The following PHF8 variants were observed in gnomAD, a reference collection of about 807,000 sequenced individuals.
PHF8 encodes histone lysine demethylase PHF8.
A neutral mutation model predicts 74.4 loss-of-function variants in PHF8; 9 were observed. That is an observed-to-expected ratio of 0.12 (90% CI 0.07 to 0.21). The LOEUF (loss-of-function observed/expected upper bound fraction) is 0.21. Ranked by LOEUF, PHF8 falls within the 10% of genes least tolerant of loss-of-function variation. The probability of loss-of-function intolerance (pLI) is 1.00; values close to 1 mark genes in which losing one functional copy is unlikely to be tolerated. For synonymous variants in PHF8, 311 were observed against 316.6 expected, an observed-to-expected ratio of 0.98 and a Z score of 0.19; for missense variants, 478 against 816.6, an observed-to-expected ratio of 0.59 and a Z score of 5.05.
At chrX:54,015,070 T>TAGTC (rs1374251683) in intron 6 of PHF8, among the ~76,000 whole-genome samples, 1 of 111,895 alleles carries the variant, frequency 8.9e-6, no homozygotes, top group Non-Finnish European at 1.9e-5. Context: ...GAAAACTCTA[T>TAGTC]AGTCCATTTC....
chrX:53,950,981 A>T (rs2064914682), intron 19 of PHF8, among the ~76,000 whole-genome samples: 1 of 112,475 alleles, frequency 8.9e-6, no homozygotes, highest in Non-Finnish European at 1.9e-5. Flanking sequence ...AAGGACTTTA[A>T]ATCAGCTATT....
chrX:53,970,666 G>A (rs2065278338), intron 18 of PHF8, among the ~76,000 whole-genome samples: 1 of 110,987 alleles, frequency 9.0e-6, no homozygotes, highest in Non-Finnish European at 1.9e-5. Flanking sequence ...CCAAGCAAAT[G>A]AAAAACAGAA....
intron 2 of PHF8, 59 bp downstream of exon 2, chrX:54,042,572 G>A: frequency 1.0e-6 from 1 of 987,235 alleles, no homozygotes; most frequent in South Asian, 2.0e-5. Context: ...GAAAGGAAGA[G>A]AGAGCAAGTG....
chrX:54,030,067 C>T (rs1243255358), intron 2 of PHF8, among the ~76,000 whole-genome samples: 2 of 110,756 alleles, frequency 1.8e-5, no homozygotes, highest in Non-Finnish European at 3.8e-5. Flanking sequence ...TTCCTTTTCC[C>T]TGCTGCTGTG....
chrX:54,017,097 T>C (rs1434608254), intron 5 of PHF8, among the ~76,000 whole-genome samples: 1 of 112,639 alleles, frequency 8.9e-6, no homozygotes, highest in Admixed American at 9.4e-5. Flanking sequence ...AGACAGACAA[T>C]GATCCCTAGA....
In PHF8 at chrX:53,944,210, C is replaced by T; in HGVS notation, c.2573G>A (p.Arg858His). ...RVTPTLPKQD[R>H]PVREGTRVAS... ...TACCCGGGTCCCCTCACGCACAGGA[C>T]GGTCCTGCTTCGGCAGAGTTGGGGT... Residue 858 changes from arginine to histidine, a missense_variant, in exon 20 of 22, where the codon CGT becomes CAT. Around this residue, in one of 9 missense-constraint regions of PHF8, gnomAD observed 35 missense variants for 78.8 expected, o/e 0.44. Coordinates refer to ENST00000338154, the MANE Select transcript of PHF8 (RefSeq NM_015107.3). 1 of 1,209,695 alleles carries T rather than the reference C, an allele frequency of 8.3e-7. No individual in the cohort carries two copies. Among genetic ancestry groups the T allele is most frequent in the Non-Finnish European group, 1.1e-6 (1 of 894,141 alleles).
chrX:53,944,697 AAC>A (rs1557084600), intron 19 of PHF8: 2 of 128,596 alleles, frequency 1.6e-5, no homozygotes, highest in Non-Finnish European at 1.6e-5. Context: ...CAGCCTGGGC[AAC>A]AGAGTGAGAC....
chrX:53,964,344 GCA>G (rs782040479), intron 18 of PHF8, among the ~76,000 whole-genome samples: 20 of 110,351 alleles, frequency 1.8e-4, no homozygotes, highest in African/African-American at 4.9e-4. Context: ...TAACAAACCT[GCA>G]CGTTCTGCAC....
intron 8 of PHF8, among the ~76,000 whole-genome samples, chrX:54,006,654 G>A (rs1399461052): frequency 6.3e-5 from 7 of 111,540 alleles, no homozygotes; most frequent in East Asian, 2.8e-4. Flanking sequence ...TCAGGGGACC[G>A]GCTGGGCCCT....
chrX:53,986,008 T>A (rs1295790294), intron 16 of PHF8, 59 bp from the exon 17 acceptor site: 2 of 1,080,030 alleles, frequency 1.9e-6, no homozygotes, highest in African/African-American at 3.6e-5. Flanking sequence ...AAGGCCCCAG[T>A]ACAGGGGCGA....
intron 11 of PHF8, among the ~76,000 whole-genome samples, chrX:53,996,464 T>A (rs1447488732): frequency 1.8e-5 from 2 of 108,986 alleles, no homozygotes; most frequent in Non-Finnish European, 3.8e-5. Flanking sequence ...CAGCTATCGT[T>A]ACGTATGGCC....
At chrX:54,013,721 G>C (rs2066017378) in intron 7 of PHF8, among the ~76,000 whole-genome samples, 2 of 110,109 alleles carry the variant, frequency 1.8e-5, no homozygotes, top group South Asian at 8.0e-4. Context: ...GGGAGGCTGA[G>C]GCAGAAGAAT....
At chrX:54,033,663 G>C (rs1040901962) in intron 2 of PHF8, among the ~76,000 whole-genome samples, 1 of 109,358 alleles carries the variant, frequency 9.1e-6, no homozygotes, top group Admixed American at 9.8e-5. Context: ...GCAGTGAGCC[G>C]AGATCGCACC....
At chrX:54,035,413 A>C (rs1271758947) in intron 2 of PHF8, among the ~76,000 whole-genome samples, 1 of 105,936 alleles carries the variant, frequency 9.4e-6, no homozygotes, top group Non-Finnish European at 1.9e-5. Context: ...AACTGGTAAA[A>C]TGTCAAGAGC....
At chrX:53,965,656 T>G (rs782673036) in intron 18 of PHF8, among the ~76,000 whole-genome samples, 1 of 111,927 alleles carries the variant, frequency 8.9e-6, no homozygotes, top group South Asian at 3.7e-4. Flanking sequence ...TCAGAAAGTC[T>G]CAGCTTACTA....
intron 18 of PHF8, among the ~76,000 whole-genome samples, chrX:53,981,959 A>T (rs1161673715): frequency 8.9e-5 from 10 of 112,426 alleles, no homozygotes; most frequent in Admixed American, 8.5e-4. Context: ...TCTAAAATCC[A>T]TCTGGAATAG....
chrX:53,967,392 C>T lies in PHF8; in HGVS notation c.2444-4453G>A, dbSNP rs1381450868. 5.4e-4 allele frequency among the ~76,000 whole-genome samples: 53 copies of T among 98,884 alleles called. No individual in the cohort carries two copies. In the East Asian group the frequency reaches 8.5e-3, roughly 16 times the overall value. The allele number at this position is 98,884 out of a possible 115,157, so 85.9% of individuals were successfully genotyped here. On this transcript the variant is annotated intron_variant, in intron 18 of 21. Coordinates refer to ENST00000338154, the MANE Select transcript of PHF8 (RefSeq NM_015107.3). ...GGGGTCAGCCCCCCGCCCGGCCAGC[C>T]GCCCCGTCCGGGAGGTGAGGGGCGC... is the stretch of plus-strand genomic sequence containing the variant.
At chrX:53,981,397 CAA>C (rs1557097952) in intron 18 of PHF8, among the ~76,000 whole-genome samples, 1 of 112,122 alleles carries the variant, frequency 8.9e-6, no homozygotes, top group African/African-American at 3.2e-5. Context: ...AAAAATCACA[CAA>C]GTTTGCCTAC....
chrX:53,958,775 CAAAAAAA>C (rs1203323417), intron 19 of PHF8, among the ~76,000 whole-genome samples: 1 of 13,169 alleles, frequency 7.6e-5, no homozygotes, highest in Non-Finnish European at 1.5e-4. Flanking sequence ...GACTCCCTCT[CAAAAAAA>C]AAAAAAAAAA....
Sources: allele counts gnomAD v4.1 joint callset (sites outside exome capture counted in the v4.1 genomes callset), GRCh38; gene constraint gnomAD v4.1.1; regional missense constraint gnomAD v4.1.1; transcripts MANE v1.5; gene names NCBI Gene and HGNC (gene_info 2026-07-23, HGNC 2026-07-21).